MBP: variants seen among roughly 807,000 people sequenced by gnomAD.
MBP encodes the protein Golli-MBP.
MBP carries 16 observed loss-of-function variants against 35.8 expected under a neutral mutation model. The observed-to-expected ratio is 0.45, with a 90% confidence interval of 0.30 to 0.68. MBP has a LOEUF of 0.68. Among genes scored for constraint, MBP ranks in the 30% least tolerant of loss-of-function variants. The probability of loss-of-function intolerance (pLI) is 0.08; values close to 1 mark genes in which losing one functional copy is unlikely to be tolerated. For synonymous variants in MBP, 143 were observed against 159.6 expected (o/e 0.90, Z 0.78); for missense variants, 380 against 404.7 (o/e 0.94, Z 0.52).
At chr18:77,047,433 G>C (rs747328178) in intron 3 of MBP, among the ~76,000 whole-genome samples, 1 of 152,240 alleles carries the variant, frequency 6.6e-6, no homozygotes. Context: ...AAATCCACAG[G>C]CATGGAAAGT....
At position 76,989,740 on chromosome 18, in the gene MBP, C is replaced by T. The variant is rs1969781871; in HGVS notation, c.681+216G>A. 1.9e-6 allele frequency: 1 copy of T among 536,376 alleles called. No homozygotes were observed. Among genetic ancestry groups the T allele is most frequent in the Non-Finnish European group, 3.3e-6 (1 of 298,812 alleles). 33.2% of individuals were successfully genotyped at this position (536,376 alleles called of 1,614,324 possible). A position where few individuals can be genotyped will look rare whatever the true frequency, so the allele number is the denominator to read the frequency against. On this transcript the variant is annotated intron_variant, in intron 5 of 8. Coordinates refer to ENST00000355994, the MANE Select transcript of MBP (RefSeq NM_001025101.2). This position sits in a 1 kb window ranked among gnomAD's most constrained non-coding sequence, Gnocchi z 4.0. ...AGAAGTGAGCTCTCTGGAGAACGCA[C>T]GGAGCGCACGGTGCAATCCGTGGCA...
At chr18:77,132,789 C>G (rs1977330363), upstream of MBP, 1 of 152,174 alleles carries the variant, frequency 6.6e-6, no homozygotes, top group African/African-American at 2.4e-5. Flanking sequence ...TGACTGACGG[C>G]GGCGGCTCCG....
At chr18:77,094,303 C>T (rs1179137127) in intron 2 of MBP, among the ~76,000 whole-genome samples, 1 of 152,160 alleles carries the variant, frequency 6.6e-6, no homozygotes, top group African/African-American at 2.4e-5. Context: ...GATGCCTTTT[C>T]TATATTATTT....
At chr18:77,062,348 G>A (rs1190866392) in intron 3 of MBP, among the ~76,000 whole-genome samples, 1 of 152,166 alleles carries the variant, frequency 6.6e-6, no homozygotes, top group Non-Finnish European at 1.5e-5. Flanking sequence ...ACCTGTGGGT[G>A]TGTGGGTCAG....
chr18:77,088,353 G>A (rs1975352738), intron 2 of MBP, among the ~76,000 whole-genome samples: 2 of 152,116 alleles, frequency 1.3e-5, no homozygotes, highest in South Asian at 4.1e-4. Context: ...CATGAAGGAG[G>A]GGCCTGTGGA....
intron 3 of MBP, among the ~76,000 whole-genome samples, chr18:77,036,617 C>T (rs534220168): frequency 9.6e-4 from 127 of 132,712 alleles, no homozygotes; most frequent in Admixed American, 8.4e-3. Context: ...ATTTTGGAGA[C>T]TGAGCTGAGC....
At chr18:77,003,009 G>C (rs1165606779) in intron 4 of MBP, 2 of 152,170 alleles carry the variant, frequency 1.3e-5, no homozygotes, top group African/African-American at 2.4e-5. Context: ...TAGGGAATGA[G>C]GGAAGCTTCA....
intron 3 of MBP, among the ~76,000 whole-genome samples, chr18:77,054,576 G>A (rs568457960): frequency 6.6e-6 from 1 of 152,346 alleles, no homozygotes; most frequent in African/African-American, 2.4e-5. Context: ...GGCAGAGGAG[G>A]GCTTGGGCCT....
intron 2 of MBP, among the ~76,000 whole-genome samples, chr18:77,074,761 G>A (rs1479572676): frequency 1.3e-5 from 2 of 152,308 alleles, no homozygotes; most frequent in East Asian, 3.9e-4. Context: ...AGTGCAGAAC[G>A]CCCTTATAAT....
In MBP at chr18:77,101,959, T is replaced by C. The variant is rs898059138; in HGVS notation, c.51+3252A>G. On this transcript the variant is annotated intron_variant, in intron 2 of 8. Coordinates refer to ENST00000355994, the MANE Select transcript of MBP (RefSeq NM_001025101.2). The surrounding 1 kb of genome is among the most constrained non-coding windows in gnomAD (Gnocchi z 4.3). The stretch of plus-strand genomic sequence containing the variant: ...CTTTCGAACATCTGTAAGCCAGTTA[T>C]GTGCTGGGGATGCTCCAGGCTTAGA... Among the ~76,000 whole-genome samples the C allele has an allele frequency of 2.0e-5, 3 of 152,214 alleles. No homozygotes were observed. Among genetic ancestry groups the C allele is most frequent in the Admixed American group, 2.0e-4 (3 of 15,284 alleles).
intron 4 of MBP, among the ~76,000 whole-genome samples, chr18:77,002,077 G>A (rs1418277517): frequency 6.6e-6 from 1 of 152,176 alleles, no homozygotes; most frequent in South Asian, 2.1e-4. Context: ...ACTGAGTGTT[G>A]ATAACATCTG....
intron 2 of MBP, among the ~76,000 whole-genome samples, chr18:77,083,566 C>A (rs60473178): frequency 6.6e-6 from 1 of 151,908 alleles, no homozygotes; most frequent in South Asian, 2.1e-4. Context: ...TTCATGATAG[C>A]CAAAAAAGTA....
At position 77,038,492 on chromosome 18, in the gene MBP, T is replaced by C. The variant is rs1972861876; in HGVS notation, c.140-21224A>G. On this transcript the variant is annotated intron_variant, in intron 3 of 8. Transcript: ENST00000355994. Reference sequence around the variant, plus strand: ...GGCAGTAGAAAGGCAAACCCTTTGTTTGACATCATATTTGGTGTTTCTTTG... The same window carrying C: ...GGCAGTAGAAAGGCAAACCCTTTGTCTGACATCATATTTGGTGTTTCTTTG... Among the ~76,000 whole-genome samples, 5 of 152,220 alleles carry C rather than the reference T, an allele frequency of 3.3e-5. 1 individual carries two copies. The South Asian group carries it at 1.0e-3, about 32-fold the overall frequency.
At chr18:76,991,981 A>G (rs890155270) in intron 4 of MBP, among the ~76,000 whole-genome samples, 18 of 152,232 alleles carry the variant, frequency 1.2e-4, no homozygotes, top group Admixed American at 3.3e-4. Context: ...CTGCAGCCAC[A>G]AAGGACAATG....
At chr18:77,070,305 A>C (rs1974389039) in intron 2 of MBP, among the ~76,000 whole-genome samples, 1 of 152,202 alleles carries the variant, frequency 6.6e-6, no homozygotes, top group Non-Finnish European at 1.5e-5. Flanking sequence ...CATTTCAAGC[A>C]AGGGTGCCTC....
rs201931920 is a variant in MBP at position 77,131,089 on chromosome 18, A to G, written c.-26+1491T>C. Among the ~76,000 whole-genome samples, 112 of 48,234 alleles carry G rather than the reference A, an allele frequency of 2.3e-3. No individual in the cohort carries two copies. The highest frequency in any genetic ancestry group is 5.8e-3 in the South Asian group (5 of 860). 31.6% of individuals were successfully genotyped at this position (48,234 alleles called of 152,430 possible). ...CACACACGCGCGCACGCACGCGCAC[A>G]CACACACACACACACACACACACAC... is the stretch of plus-strand genomic sequence containing the variant. On this transcript the variant is annotated intron_variant, in intron 1 of 8. Coordinates refer to ENST00000355994, the MANE Select transcript of MBP (RefSeq NM_001025101.2). This position sits in a 1 kb window ranked among gnomAD's most constrained non-coding sequence, Gnocchi z 5.5.
chr18:77,045,304 G>A (rs933309155), intron 3 of MBP, among the ~76,000 whole-genome samples: 1 of 152,118 alleles, frequency 6.6e-6, no homozygotes, highest in African/African-American at 2.4e-5. Context: ...GCACCTGCCG[G>A]CATCAGGTCA....
chr18:77,103,516 T>C (rs1031103723), intron 2 of MBP, among the ~76,000 whole-genome samples: 1 of 152,242 alleles, frequency 6.6e-6, no homozygotes, highest in African/African-American at 2.4e-5. Flanking sequence ...TAAAAAATGT[T>C]GAAAAATCAA....
chr18:77,016,929 T>C lies in MBP; in HGVS notation c.479A>G (p.His160Arg). 1 of 1,614,204 alleles carries C rather than the reference T, an allele frequency of 6.2e-7. No individual in the cohort carries two copies. The highest frequency in any genetic ancestry group is 8.5e-7 in the Non-Finnish European group (1 of 1,180,036). Reference protein sequence around the residue: ...ATASTMDHARHGFLPRHRDTG... With the variant: ...ATASTMDHARRGFLPRHRDTG... ...GTCTCTGTGCCTTGGGAGGAAGCCATGCCTGGCATGGTCCATGGTACTTGC... is the reference window on the plus strand; with the variant it reads ...GTCTCTGTGCCTTGGGAGGAAGCCACGCCTGGCATGGTCCATGGTACTTGC... The change falls in exon 4 of 9, where the codon CAT (histidine) becomes CGT (arginine). Residue 160 changes from histidine (H) to arginine (R), a missense_variant. His to Arg is a conservative substitution (Grantham distance 29). Coordinates refer to ENST00000355994, the MANE Select transcript of MBP (RefSeq NM_001025101.2).
Sources: allele counts gnomAD v4.1 joint callset (sites outside exome capture counted in the v4.1 genomes callset), GRCh38; gene constraint gnomAD v4.1.1; non-coding constraint Gnocchi (gnomAD v3.1); transcripts MANE v1.5; gene names NCBI Gene and HGNC (gene_info 2026-07-23, HGNC 2026-07-21).